Variants in DHTKD1 observed in about 807,000 individuals in gnomAD.
DHTKD1 encodes the protein dehydrogenase E1 and transketolase domain containing 1.
Under a neutral mutation model 101.8 loss-of-function variants are expected in DHTKD1, and 78 were observed. The ratio of observed to expected loss-of-function variants is 0.77; its 90% CI spans 0.64 to 0.93. DHTKD1 has a LOEUF of 0.93. Ranked by LOEUF, DHTKD1 falls within the 40% of genes least tolerant of loss-of-function variation. DHTKD1 has a pLI of 0.00. For missense variants in DHTKD1, 1,223 were observed against 1,161.7 expected, an observed-to-expected ratio of 1.05 and a Z score of -0.77; for synonymous variants, 462 against 450.3, an observed-to-expected ratio of 1.03 and a Z score of -0.33.
intron 12 of DHTKD1, among the ~76,000 whole-genome samples, chr10:12,108,473 T>G (rs1833282247): frequency 6.6e-6 from 1 of 152,092 alleles, no homozygotes; most frequent in Non-Finnish European, 1.5e-5. Flanking sequence ...GAGATTGGTG[T>G]TCTTCCATGT....
chr10:12,106,143 C>A, intron 10 of DHTKD1, 103 bp from the exon 11 acceptor site: 1 of 1,198,476 alleles, frequency 8.3e-7, no homozygotes, highest in Non-Finnish European at 1.2e-6. Flanking sequence ...TGAACGAGAG[C>A]AAGGCTCCCT....
intron 13 of DHTKD1, among the ~76,000 whole-genome samples, chr10:12,113,377 T>C (rs999836707): frequency 1.3e-5 from 2 of 152,144 alleles, no homozygotes; most frequent in South Asian, 4.1e-4. Flanking sequence ...TTTGTATTTT[T>C]AGTAGAGATG....
At chr10:12,115,528 C>T (rs1047324524) in intron 13 of DHTKD1, among the ~76,000 whole-genome samples, 5 of 150,984 alleles carry the variant, frequency 3.3e-5, no homozygotes, top group African/African-American at 9.7e-5. Flanking sequence ...TTGACTCACC[C>T]TAGCCTGGCC....
rs1833260278 is a variant in DHTKD1, at chr10:12,107,014, T to C, written c.2047+618T>C. 6.6e-6 allele frequency among the ~76,000 whole-genome samples: 1 copy of C among 150,842 alleles called. No homozygotes were observed. Among genetic ancestry groups the C allele is most frequent in the African/African-American group, 2.4e-5 (1 of 41,070 alleles). On this transcript the variant is annotated intron_variant, in intron 11 of 16. Coordinates refer to ENST00000263035, the MANE Select transcript of DHTKD1 (RefSeq NM_018706.7). The surrounding 1 kb of genome is among the most constrained non-coding windows in gnomAD (Gnocchi z 4.1). ...TTTTTTTTTTTTTTGAGACGGAGTC[T>C]CGCTCTGTCACCCAGGCTGGAGTGC...
At chr10:12,119,525 A>G (rs1203504648) in intron 15 of DHTKD1, among the ~76,000 whole-genome samples, 3 of 147,590 alleles carry the variant, frequency 2.0e-5, no homozygotes, top group Non-Finnish European at 4.5e-5. Flanking sequence ...CTGACGCAGG[A>G]GAATGGCGTG....
At chr10:12,113,104 AT>A in intron 13 of DHTKD1, 40 bp downstream of exon 13, 3 of 1,512,678 alleles carry the variant, frequency 2.0e-6, no homozygotes, top group Non-Finnish European at 1.8e-6. Context: ...TCCTTTTGTC[AT>A]TTTTTGCACT....
chr10:12,120,483 G>GCCA, intron 16 of DHTKD1: 3 of 517,966 alleles, frequency 5.8e-6, no homozygotes, highest in Non-Finnish European at 1.0e-5. Context: ...ACAGGCGCCC[G>GCCA]CCACCACACC....
intron 1 of DHTKD1, among the ~76,000 whole-genome samples, chr10:12,078,978 G>C (rs138560927): frequency 1.1e-3 from 170 of 152,282 alleles, no homozygotes; most frequent in African/African-American, 3.8e-3. Flanking sequence ...AGATTGCCCT[G>C]TATGTTTGCT....
intron 15 of DHTKD1, among the ~76,000 whole-genome samples, chr10:12,119,807 T>C (rs1210976304): frequency 1.3e-5 from 2 of 151,996 alleles, no homozygotes; most frequent in Admixed American, 6.6e-5. Flanking sequence ...ACATCCTGCA[T>C]GTGTACCCCA....
At chr10:12,101,631 T>A (rs1833173056) in intron 10 of DHTKD1, among the ~76,000 whole-genome samples, 1 of 152,170 alleles carries the variant, frequency 6.6e-6, no homozygotes, top group Non-Finnish European at 1.5e-5. Flanking sequence ...GGAGACTTAA[T>A]CTTGCTCTGT....
At position 12,110,500 on chromosome 10, in the gene DHTKD1, T is replaced by A. The variant is rs1296762084; in HGVS notation, c.2155-2400T>A. On this transcript the variant is annotated intron_variant, in intron 12 of 16. Transcript: ENST00000263035. The surrounding 1 kb of genome is among the most constrained non-coding windows in gnomAD (Gnocchi z 4.9). ...CTGATTCTAGAGAAAGGAAAGTGTATTTATTTAAACATTTTTAATTGACAA... is the reference window on the plus strand; with the variant it reads ...CTGATTCTAGAGAAAGGAAAGTGTAATTATTTAAACATTTTTAATTGACAA... Among the ~76,000 whole-genome samples, 12 of 152,118 alleles carry A rather than the reference T, an allele frequency of 7.9e-5. No homozygotes were observed. Among genetic ancestry groups the A allele is most frequent in the Non-Finnish European group, 5.9e-5 (4 of 68,032 alleles).
chr10:12,119,491 C>T lies in DHTKD1; in HGVS notation c.2572+573C>T, dbSNP rs902329585. Among the ~76,000 whole-genome samples the T allele has an allele frequency of 2.8e-4, 43 of 151,056 alleles. 1 individual carries two copies. The highest frequency in any genetic ancestry group is 9.2e-4 in the African/African-American group (38 of 41,142). On this transcript the variant is annotated intron_variant, in intron 15 of 16. Transcript: ENST00000263035. ...ATTAGCCGGGCGTGGTGGCGGGCGCCTGTAGTCCCAGCTACTTGGGAGGCT... is the reference window on the plus strand; with the variant it reads ...ATTAGCCGGGCGTGGTGGCGGGCGCTTGTAGTCCCAGCTACTTGGGAGGCT...
chr10:12,075,351 G>A (rs928157838), intron 1 of DHTKD1, among the ~76,000 whole-genome samples: 1 of 152,050 alleles, frequency 6.6e-6, no homozygotes, highest in African/African-American at 2.4e-5. Context: ...GCTAATTTCT[G>A]TGGGGTTTTT....
At chr10:12,120,117 A>G (rs1233173654) in intron 15 of DHTKD1, 65 bp from the exon 16 acceptor site, 8 of 1,224,858 alleles carry the variant, frequency 6.5e-6, no homozygotes, top group East Asian at 2.3e-5. Context: ...AGGTGGGATC[A>G]TAGTAAATTG....
At chr10:12,077,903 T>C (rs958808863) in intron 1 of DHTKD1, among the ~76,000 whole-genome samples, 2 of 151,462 alleles carry the variant, frequency 1.3e-5, no homozygotes, top group Admixed American at 6.6e-5. Context: ...GGGTTGGAGA[T>C]AGGGTTGGTG....
In DHTKD1 at chr10:12,089,132, G is replaced by C. The variant is rs1409120999; in HGVS notation, c.864G>C (p.Ser288=). The C allele has an allele frequency of 1.9e-6, 3 of 1,613,972 alleles. No homozygotes were observed. Among genetic ancestry groups the C allele is most frequent in the Non-Finnish European group, 2.5e-6 (3 of 1,180,042 alleles). Residue 288 remains serine, a synonymous_variant, in exon 5 of 17, where the codon TCG becomes TCC. Transcript: ENST00000263035. The part of the protein sequence containing the change: ...PLHVTMLPNP[S]HLEAVNPVAV... ...ATGTGACAATGTTGCCCAATCCCTC[G>C]CACCTGGAGGCCGTCAACCCCGTGG...
At chr10:12,069,297 C>A in intron 1 of DHTKD1, 110 bp downstream of exon 1, 1 of 372,104 alleles carries the variant, frequency 2.7e-6, no homozygotes, top group Non-Finnish European at 4.4e-6. Flanking sequence ...GGCCTGAACG[C>A]GCGGCCGGTG....
chr10:12,119,602 C>A (rs527365951), intron 15 of DHTKD1, among the ~76,000 whole-genome samples: 1 of 124,838 alleles, frequency 8.0e-6, no homozygotes, highest in African/African-American at 3.2e-5. Context: ...GGCGACAGAG[C>A]GAGACTCCGT....
At position 12,098,057 on chromosome 10, in the gene DHTKD1, G is replaced by A. The variant is rs554129934; in HGVS notation, c.1671+61G>A. On this transcript the variant is annotated intron_variant, in intron 8 of 16. Transcript: ENST00000263035. Reference sequence around the variant, plus strand: ...CTTCCTGCTCAGCAAAGGAGCTGACGTTGGTCTGGTGTTTTCAGTTGTCTG... The same window carrying A: ...CTTCCTGCTCAGCAAAGGAGCTGACATTGGTCTGGTGTTTTCAGTTGTCTG... 51 of 1,477,054 alleles carry A rather than the reference G, an allele frequency of 3.5e-5. 1 individual carries two copies. In the South Asian group the frequency reaches 3.6e-4, roughly 10 times the overall value. The allele number at this position is 1,477,054 out of a possible 1,614,324, so 91.5% of individuals were successfully genotyped here. A position where few individuals can be genotyped will look rare whatever the true frequency, so the allele number is the denominator to read the frequency against.
Sources: allele counts gnomAD v4.1 joint callset (sites outside exome capture counted in the v4.1 genomes callset), GRCh38; gene constraint gnomAD v4.1.1; non-coding constraint Gnocchi (gnomAD v3.1); transcripts MANE v1.5; gene names NCBI Gene and HGNC (gene_info 2026-07-23, HGNC 2026-07-21).